ZNF780A: variants seen among roughly 807,000 people sequenced by gnomAD.
ZNF780A encodes zinc finger protein 780A.
In ZNF780A, 40 loss-of-function variants were observed where a neutral mutation model predicts 56.7. The ratio of observed to expected loss-of-function variants is 0.71; its 90% CI spans 0.55 to 0.92. The LOEUF is 0.92. Ranked by LOEUF, ZNF780A falls within the 40% of genes least tolerant of loss-of-function variation. The probability of loss-of-function intolerance (pLI) is 0.00; values close to 1 mark genes in which losing one functional copy is unlikely to be tolerated. For synonymous variants in ZNF780A, 231 were observed against 248.3 expected (o/e 0.93, Z 0.66); for missense variants, 672 against 783.3 (o/e 0.86, Z 1.70).
At chr19:40,072,953 A>T, downstream of ZNF780A, 1 of 1,546,834 alleles carries the variant, frequency 6.5e-7, no homozygotes, top group Non-Finnish European at 8.7e-7. Context: ...TAGCTGTAAA[A>T]GATGGTTTGG....
At chr19:40,072,854 C>G, downstream of ZNF780A, 1 of 1,535,832 alleles carries the variant, frequency 6.5e-7, no homozygotes, top group Non-Finnish European at 8.8e-7. Flanking sequence ...TGAGCGCCTA[C>G]ATTCATAGGA....
intron 5 of ZNF780A, among the ~76,000 whole-genome samples, chr19:40,081,535 A>G (rs1974476421): frequency 6.6e-6 from 1 of 151,654 alleles, no homozygotes; most frequent in Non-Finnish European, 1.5e-5. Flanking sequence ...TCCACCTTAA[A>G]AAAAAAAAAA....
At chr19:40,089,901 T>A (rs1975050408) in intron 2 of ZNF780A, among the ~76,000 whole-genome samples, 1 of 152,136 alleles carries the variant, frequency 6.6e-6, no homozygotes, top group South Asian at 2.1e-4. Context: ...TAAACACTAA[T>A]CTCCTCCTTC....
rs1568447465 is a variant in ZNF780A, at chr19:40,075,943, A to T, written c.499T>A (p.Cys167Ser). 1 of 1,614,082 alleles carries T rather than the reference A, an allele frequency of 6.2e-7. No homozygotes were observed. The highest frequency in any genetic ancestry group is 2.2e-5 in the East Asian group (1 of 44,868). ...LICNTHKPYECKECGKYFSRS... is the reference protein window; with the variant it reads ...LICNTHKPYESKECGKYFSRS... Reference sequence around the variant, plus strand: ...CTAAAGTATTTCCCACATTCCTTACATTCATACGGTTTATGTGTATTGCAA... The same window carrying T: ...CTAAAGTATTTCCCACATTCCTTACTTTCATACGGTTTATGTGTATTGCAA... Residue 167 changes from cysteine (C) to serine (S), a missense_variant, in exon 6 of 6, where the codon TGT (cysteine) becomes AGT (serine). Cys to Ser is a moderately radical substitution (Grantham distance 112). Transcript: ENST00000683561.
chr19:40,077,123 G>A (rs2144921551), intron 5 of ZNF780A, among the ~76,000 whole-genome samples: 1 of 152,214 alleles, frequency 6.6e-6, no homozygotes, highest in East Asian at 1.9e-4. Context: ...ACTAGTACCA[G>A]CATACACTAT....
Position 40,083,130 on chromosome 19 carries a change from G to A in ZNF780A, c.117C>T (p.Tyr39=), listed in dbSNP as rs773233638. ...CCTTACCCAGTGAGATCAGGTGGCTGTAGTTCTCCAACATCACATCCCTGT... is the reference window on the plus strand; with the variant it reads ...CCTTACCCAGTGAGATCAGGTGGCTATAGTTCTCCAACATCACATCCCTGT... ...TLYRDVMLEN[Y]SHLISLGSSI... is the part of the protein sequence containing the mutation. The change falls in exon 4 of 6, where the codon TAC becomes TAT. Residue 39 remains tyrosine, a synonymous_variant. Transcript: ENST00000683561. The A allele has an allele frequency of 8.1e-6, 13 of 1,614,100 alleles. No homozygotes were observed. In the Admixed American group the frequency reaches 2.0e-4, roughly 25 times the overall value.
At chr19:40,076,760 C>A (rs542440498) in intron 5 of ZNF780A, among the ~76,000 whole-genome samples, 2 of 152,120 alleles carry the variant, frequency 1.3e-5, no homozygotes, top group Non-Finnish European at 2.9e-5. Flanking sequence ...CATCTGGGGA[C>A]CTGGGGATCA....
intron 4 of ZNF780A, 55 bp downstream of exon 4, chr19:40,083,055 GA>G: frequency 6.2e-7 from 1 of 1,613,466 alleles, no homozygotes; most frequent in Non-Finnish European, 8.5e-7. Flanking sequence ...TCACGGTGAA[GA>G]AAGCTGATAT....
chr19:40,074,650 T>C lies in ZNF780A; in HGVS notation c.1792A>G (p.Met598Val), dbSNP rs1421742031. Residue 598 changes from methionine to valine, a missense_variant, in exon 6 of 6, where the codon ATG (methionine) becomes GTG (valine). Transcript: ENST00000683561. ...KECGKAFRLHMQLIRHQKLHT... is the reference protein window; with the variant it reads ...KECGKAFRLHVQLIRHQKLHT... ...AATTTCTGATGTCGAATAAGTTGCA[T>C]ATGAAGTCGAAAGGCTTTCCCACAC... 7 of 1,613,360 alleles carry C rather than the reference T, an allele frequency of 4.3e-6. No homozygotes were observed. The South Asian group carries it at 4.4e-5, about 10-fold the overall frequency.
Position 40,075,401 on chromosome 19 carries a change from C to T in ZNF780A, c.1041G>A (p.Lys347=). Residue 347 remains lysine, a synonymous_variant, in exon 6 of 6, where the codon AAG becomes AAA. Transcript: ENST00000683561. The part of the protein sequence containing the change: ...ECGKAFTLLT[K]LVRHQKIHTG... The stretch of plus-strand genomic sequence containing the variant: ...TATGAATCTTCTGATGTCGAACAAG[C>T]TTTGTCAGAAGAGTAAACGCCTTTC... 6.2e-7 allele frequency: 1 copy of T among 1,613,888 alleles called. No individual in the cohort carries two copies. Among genetic ancestry groups the T allele is most frequent in the South Asian group, 1.1e-5 (1 of 91,058 alleles).
At chr19:40,082,997 G>A (rs1974567682) in intron 4 of ZNF780A, 114 bp downstream of exon 4, 14 of 1,549,246 alleles carry the variant, frequency 9.0e-6, no homozygotes, top group Non-Finnish European at 1.2e-5. Context: ...ATTCCTTTGG[G>A]AACAAGAAGA....
chr19:40,086,591 T>C (rs2144972001), intron 2 of ZNF780A, among the ~76,000 whole-genome samples: 1 of 151,464 alleles, frequency 6.6e-6, no homozygotes, highest in South Asian at 2.1e-4. Context: ...AAATAACCAA[T>C]TAAAATATTA....
chr19:40,089,826 C>T (rs1327576893), intron 2 of ZNF780A, among the ~76,000 whole-genome samples: 1 of 152,220 alleles, frequency 6.6e-6, no homozygotes, highest in East Asian at 1.9e-4. Flanking sequence ...CAACCATCTC[C>T]ATTCTTCCCT....
Position 40,074,340 on chromosome 19 carries a change from C to A in ZNF780A, c.*176G>T. On this transcript the variant is annotated 3_prime_UTR_variant, in exon 6 of 6. Coordinates refer to ENST00000683561, the MANE Select transcript of ZNF780A (RefSeq NM_001142578.2). ...TGATATCTAAAGGTCGTCCTCCACTCCTTGCATACAAAGAGTTTCTCACTG... is the reference window on the plus strand; with the variant it reads ...TGATATCTAAAGGTCGTCCTCCACTACTTGCATACAAAGAGTTTCTCACTG... 6.6e-7 allele frequency: 1 copy of A among 1,524,934 alleles called. No individual in the cohort carries two copies. Among genetic ancestry groups the A allele is most frequent in the South Asian group, 1.4e-5 (1 of 74,026 alleles). The allele number at this position is 1,524,934 out of a possible 1,614,324, so 94.5% of individuals were successfully genotyped here.
At chr19:40,082,621 G>A (rs1270056022) in intron 4 of ZNF780A, among the ~76,000 whole-genome samples, 4 of 152,020 alleles carry the variant, frequency 2.6e-5, no homozygotes, top group Non-Finnish European at 4.4e-5. Context: ...ACAGGGTCTC[G>A]GTCTATTGCC....
chr19:40,080,220 A>G (rs1296442262), intron 5 of ZNF780A, among the ~76,000 whole-genome samples: 2 of 152,186 alleles, frequency 1.3e-5, no homozygotes, highest in Admixed American at 1.3e-4. Flanking sequence ...TCTATCTACC[A>G]AACTCTCAAA....
In ZNF780A at chr19:40,074,233, GA is replaced by G; in HGVS notation, c.*282del. 6.9e-7 allele frequency: 1 copy of G among 1,441,520 alleles called. No individual in the cohort carries two copies. 89.3% of individuals were successfully genotyped at this position (1,441,520 alleles called of 1,614,324 possible). ...ACCTGAAGTCCAGCAAGCTGTGTCA[GA>G]AAACTGAAGGCCTTTCCACATTCTT... On this transcript the variant is annotated 3_prime_UTR_variant, in exon 6 of 6. Transcript: ENST00000683561.
chr19:40,072,995 T>C (rs1973889743), downstream of ZNF780A: 2 of 1,538,724 alleles, frequency 1.3e-6, no homozygotes, highest in African/African-American at 1.4e-5. Flanking sequence ...AATGGAATGA[T>C]ATTACAGAAT....
intron 4 of ZNF780A, 65 bp downstream of exon 4, chr19:40,083,046 C>A (rs1974571071): frequency 2.5e-6 from 4 of 1,612,100 alleles, no homozygotes; most frequent in Admixed American, 1.7e-5. Flanking sequence ...CCCTGAAATT[C>A]ACGGTGAAGA....
Sources: allele counts gnomAD v4.1 joint callset (sites outside exome capture counted in the v4.1 genomes callset), GRCh38; gene constraint gnomAD v4.1.1; transcripts MANE v1.5; gene names NCBI Gene and HGNC (gene_info 2026-07-23, HGNC 2026-07-21).